TRHDE: variants seen among roughly 807,000 people sequenced by gnomAD.
The protein encoded by TRHDE is thyrotropin-releasing hormone-degrading ectoenzyme.
In TRHDE, 72 loss-of-function variants were observed where a neutral mutation model predicts 125.7. That is an observed-to-expected ratio of 0.57 (90% CI 0.47 to 0.70). The LOEUF (loss-of-function observed/expected upper bound fraction) is 0.70, where lower values mean the gene tolerates loss of function less well. Ranked by LOEUF, TRHDE falls within the 30% of genes least tolerant of loss-of-function variation. The probability of loss-of-function intolerance (pLI) is 0.00; values close to 1 mark genes in which losing one functional copy is unlikely to be tolerated. For missense variants in TRHDE, 1,110 were observed against 1,327.1 expected, an observed-to-expected ratio of 0.84 and a Z score of 2.54; for synonymous variants, 509 against 509.1, an observed-to-expected ratio of 1.00 and a Z score of 0.00.
chr12:72,205,332 G>GTT (rs35613758), intron 2 of TRHDE, among the ~76,000 whole-genome samples: 13,074 of 138,614 alleles, frequency 0.094, 823 homozygotes, highest in African/African-American at 0.18. Flanking sequence ...CCAAAGCACT[G>GTT]TTTTTTTTTT....
At position 72,670,026 on chromosome 12, in the gene TRHDE, G is replaced by T. The variant is rs1319953317; in HGVS notation, c.*6831G>T. ...CATAATTGGCTTTCTGGACACCACT[G>T]AGTTTATTAGATAATCTTTAAAAAT... On this transcript the variant is annotated 3_prime_UTR_variant, in exon 19 of 19. Coordinates refer to ENST00000261180, the MANE Select transcript of TRHDE (RefSeq NM_013381.3). 6.6e-6 allele frequency: 1 copy of T among 151,676 alleles called. No homozygotes were observed. The highest frequency in any genetic ancestry group is 2.4e-5 in the African/African-American group (1 of 41,386). 9.4% of individuals were successfully genotyped at this position (151,676 alleles called of 1,614,324 possible).
rs576118969 is a variant in TRHDE, at chr12:72,350,337, G to A, written c.1189-27658G>A. 1.3e-3 allele frequency among the ~76,000 whole-genome samples: 191 copies of A among 152,130 alleles called. 2 individuals are homozygous for A. Among genetic ancestry groups the A allele is most frequent in the African/African-American group, 4.4e-3 (184 of 41,536 alleles). On this transcript the variant is annotated intron_variant, in intron 2 of 18. Coordinates refer to ENST00000261180, the MANE Select transcript of TRHDE (RefSeq NM_013381.3). ...AGTAGGAAACATAACCAGGATGACA[G>A]CAGTAATGGCGATGATAGCTCCCAC...
At chr12:72,121,635 A>G (rs1194859133) in intron 2 of TRHDE, among the ~76,000 whole-genome samples, 1 of 149,416 alleles carries the variant, frequency 6.7e-6, no homozygotes, top group Non-Finnish European at 1.5e-5. Flanking sequence ...TATCTTTTCT[A>G]CCCTCTTCAG....
At chr12:72,492,478 T>G (rs1159793079) in intron 5 of TRHDE, among the ~76,000 whole-genome samples, 1 of 151,948 alleles carries the variant, frequency 6.6e-6, no homozygotes, top group African/African-American at 2.4e-5. Context: ...TTGTGCTATA[T>G]GCTTACAAAA....
At chr12:72,622,675 G>A (rs889933924) in intron 15 of TRHDE, among the ~76,000 whole-genome samples, 4 of 152,004 alleles carry the variant, frequency 2.6e-5, no homozygotes, top group Non-Finnish European at 4.4e-5. Flanking sequence ...TTAGAGAACC[G>A]CAGTCAGTAT....
intron 2 of TRHDE, among the ~76,000 whole-genome samples, chr12:72,260,769 C>G (rs1235671857): frequency 6.6e-6 from 1 of 152,116 alleles, no homozygotes; most frequent in Non-Finnish European, 1.5e-5. Context: ...CCAAATGGAG[C>G]CTTCGTTCAT....
chr12:72,661,661 T>C (rs1401136456), intron 18 of TRHDE, among the ~76,000 whole-genome samples: 1 of 152,172 alleles, frequency 6.6e-6, no homozygotes, highest in African/African-American at 2.4e-5. Context: ...ACTCCCCCTT[T>C]ATATATGTGT....
intron 2 of TRHDE, among the ~76,000 whole-genome samples, chr12:72,203,219 T>G (rs556601621): frequency 2.0e-5 from 3 of 152,214 alleles, no homozygotes; most frequent in African/African-American, 7.2e-5. Context: ...CCCAGCACTT[T>G]GGGAGGCCAA....
intron 2 of TRHDE, chr12:72,167,649 C>A (rs999663727): frequency 2.6e-5 from 4 of 152,194 alleles, no homozygotes; most frequent in African/African-American, 9.7e-5. Flanking sequence ...TCATTTATGA[C>A]AGCATGTAAG....
intron 2 of TRHDE, among the ~76,000 whole-genome samples, chr12:72,339,171 C>T (rs1869965895): frequency 6.6e-6 from 1 of 152,064 alleles, no homozygotes; most frequent in Admixed American, 6.6e-5. Flanking sequence ...TAGGATACTC[C>T]CATAATTTTT....
At chr12:72,520,019 C>G (rs1879102314) in intron 6 of TRHDE, among the ~76,000 whole-genome samples, 1 of 152,192 alleles carries the variant, frequency 6.6e-6, no homozygotes, top group Non-Finnish European at 1.5e-5. Flanking sequence ...CAGCTGTGTG[C>G]TGGGAGAACC....
chr12:72,646,134 C>G (rs1258145488), intron 15 of TRHDE, among the ~76,000 whole-genome samples: 1 of 151,718 alleles, frequency 6.6e-6, no homozygotes, highest in African/African-American at 2.4e-5. Flanking sequence ...ATTTAAATGA[C>G]AAAAGTATTA....
At chr12:72,637,423 T>C (rs1312669601) in intron 15 of TRHDE, among the ~76,000 whole-genome samples, 3 of 152,178 alleles carry the variant, frequency 2.0e-5, no homozygotes, top group East Asian at 1.9e-4. Context: ...GCTAGCGGTC[T>C]ATCAATTTTG....
At chr12:72,649,779 G>T (rs306023) in intron 15 of TRHDE, among the ~76,000 whole-genome samples, 1 of 152,096 alleles carries the variant, frequency 6.6e-6, no homozygotes, top group African/African-American at 2.4e-5. Flanking sequence ...CAACAGCTAT[G>T]TGAAAAAAAG....
Position 72,127,938 on chromosome 12 carries a change from G to A in TRHDE, n.279+22186G>A, listed in dbSNP as rs145936541. On this transcript the variant is annotated intron_variant and non_coding_transcript_variant, in intron 2 of 4. Transcript: ENST00000548156. ...GTGGGTCCTGGAAGACTCCCTGAGTGCAAGAGATGGAACTGAGAATCTGGG... is the reference window on the plus strand; with the variant it reads ...GTGGGTCCTGGAAGACTCCCTGAGTACAAGAGATGGAACTGAGAATCTGGG... Among the ~76,000 whole-genome samples, 57 of 152,210 alleles carry A rather than the reference G, an allele frequency of 3.7e-4. 1 individual carries two copies. Among genetic ancestry groups the A allele is most frequent in the Non-Finnish European group, 5.7e-4 (39 of 68,016 alleles).
At chr12:72,097,228 A>T (rs1201037166) in intron 1 of TRHDE, among the ~76,000 whole-genome samples, 1 of 152,196 alleles carries the variant, frequency 6.6e-6, no homozygotes, top group Non-Finnish European at 1.5e-5. Flanking sequence ...GGTAAGAGGC[A>T]GTGGAAAGGA....
At chr12:72,516,442 G>T (rs1019679138) in intron 6 of TRHDE, among the ~76,000 whole-genome samples, 4 of 151,910 alleles carry the variant, frequency 2.6e-5, no homozygotes, top group African/African-American at 9.7e-5. Context: ...TTGGCTCTCT[G>T]TTTGTCTGTT....
chr12:72,194,103 AG>A lies in TRHDE; in HGVS notation n.279+88352del, dbSNP rs1324941627. On this transcript the variant is annotated intron_variant and non_coding_transcript_variant, in intron 2 of 4. Transcript: ENST00000548156. ...AACAGAACATAATAACTTTTGGGAA[AG>A]TAATTTTCTAGCCATACATGTGATA... Among the ~76,000 whole-genome samples, 6 of 152,246 alleles carry A rather than the reference AG, an allele frequency of 3.9e-5. No individual in the cohort carries two copies. The East Asian group carries it at 7.7e-4, about 20-fold the overall frequency.
intron 6 of TRHDE, among the ~76,000 whole-genome samples, 166 bp from the exon 7 acceptor site, chr12:72,542,125 T>A (rs1423875651): frequency 6.6e-6 from 1 of 151,342 alleles, no homozygotes; most frequent in Non-Finnish European, 1.5e-5. Flanking sequence ...ACCAAAAAAA[T>A]GAAATTGTTA....
Sources: gnomAD v4.1 joint callset for allele counts (sites outside exome capture counted in the v4.1 genomes callset) on GRCh38, gnomAD v4.1.1 for gene constraint, MANE v1.5 for transcripts, NCBI Gene and HGNC (gene_info 2026-07-23, HGNC 2026-07-21) for gene names.